PRKN: variants seen among roughly 807,000 people sequenced by gnomAD.
PRKN encodes parkin RBR E3 ubiquitin protein ligase.
Under a neutral mutation model 59.5 loss-of-function variants are expected in PRKN, and 56 were observed. The observed-to-expected ratio is 0.94, with a 90% CI of 0.76 to 1.18. The LOEUF (loss-of-function observed/expected upper bound fraction) is 1.18. PRKN is among the 50% of genes most tolerant of loss of function. The pLI, the probability that PRKN is intolerant of heterozygous loss-of-function variation, is 0.00. For missense variants in PRKN, 657 were observed against 596.4 expected (o/e 1.10, Z -1.06); for synonymous variants, 250 against 222.1 (o/e 1.13, Z -1.12).
chr6:161,452,708 G>A (rs947348743), intron 9 of PRKN, among the ~76,000 whole-genome samples: 9 of 152,158 alleles, frequency 5.9e-5, no homozygotes, highest in Middle Eastern at 3.4e-3. Context: ...TTGTAGTTGC[G>A]TTATAATCAA....
intron 1 of PRKN, among the ~76,000 whole-genome samples, chr6:162,580,341 G>C (rs1039791147): frequency 6.6e-6 from 1 of 152,098 alleles, no homozygotes; most frequent in African/African-American, 2.4e-5. Flanking sequence ...GGAAGGCTGA[G>C]GTAGGAGGAT....
chr6:162,291,261 T>A (rs1370664139), intron 2 of PRKN, among the ~76,000 whole-genome samples: 1 of 152,124 alleles, frequency 6.6e-6, no homozygotes, highest in South Asian at 2.1e-4. Context: ...TTGCTCTTCC[T>A]GGGCCAGTTC....
At chr6:162,119,543 T>G (rs1290774943) in intron 4 of PRKN, among the ~76,000 whole-genome samples, 1 of 152,136 alleles carries the variant, frequency 6.6e-6, no homozygotes, top group Non-Finnish European at 1.5e-5. Flanking sequence ...ACTTCCTTAT[T>G]CCTGTCTGCT....
intron 1 of PRKN, among the ~76,000 whole-genome samples, chr6:162,625,522 T>A (rs1021688686): frequency 6.6e-6 from 1 of 152,178 alleles, no homozygotes; most frequent in Non-Finnish European, 1.5e-5. Context: ...CAGGGTTTAC[T>A]CAATGTCACT....
intron 1 of PRKN, among the ~76,000 whole-genome samples, chr6:162,719,800 A>G (rs1778862178): frequency 1.3e-5 from 2 of 152,142 alleles, no homozygotes; most frequent in African/African-American, 2.4e-5. Flanking sequence ...TTTGAGCTGA[A>G]GAATGAAATA....
At chr6:161,748,337 C>T (rs1321142368) in intron 7 of PRKN, among the ~76,000 whole-genome samples, 9 of 151,148 alleles carry the variant, frequency 6.0e-5, no homozygotes, top group Admixed American at 2.6e-4. Flanking sequence ...TTGCTGATCC[C>T]GAATCACTCT....
In PRKN at chr6:161,887,531, G is replaced by A. The variant is rs575835857; in HGVS notation, c.734+85771C>T. On this transcript the variant is annotated intron_variant, in intron 6 of 11. Transcript: ENST00000366898. ...AAAGAGTTACTCATTTTTCCTTTCAGCAAGTTAGTGAAACTTTTCAAGGTC... is the reference window on the plus strand; with the variant it reads ...AAAGAGTTACTCATTTTTCCTTTCAACAAGTTAGTGAAACTTTTCAAGGTC... 2.0e-5 allele frequency among the ~76,000 whole-genome samples: 3 copies of A among 152,218 alleles called. No homozygotes were observed. The South Asian group carries it at 6.2e-4, about 32-fold the overall frequency.
intron 2 of PRKN, among the ~76,000 whole-genome samples, chr6:162,296,604 G>T (rs1781689888): frequency 6.6e-6 from 1 of 152,042 alleles, no homozygotes; most frequent in African/African-American, 2.4e-5. Context: ...ATTATTATGT[G>T]CCAATCACAT....
In PRKN at chr6:161,359,175, C is replaced by T. The variant is rs1784882615; in HGVS notation, c.1285+913G>A. On this transcript the variant is annotated intron_variant, in intron 11 of 11. Transcript: ENST00000366898. The surrounding 1 kb of genome is among the most constrained non-coding windows in gnomAD (Gnocchi z 5.4). Reference sequence around the variant, plus strand: ...CATGCAATGGAGTAATAAGGACACGCTGGGTAAATTATTTATTTTCTCTGC... The same window carrying T: ...CATGCAATGGAGTAATAAGGACACGTTGGGTAAATTATTTATTTTCTCTGC... Among the ~76,000 whole-genome samples the T allele has an allele frequency of 1.3e-5, 2 of 152,152 alleles. No homozygotes were observed. Among genetic ancestry groups the T allele is most frequent in the Admixed American group, 1.3e-4 (2 of 15,274 alleles).
chr6:161,404,292 A>G (rs1787171555), intron 9 of PRKN, among the ~76,000 whole-genome samples: 1 of 152,162 alleles, frequency 6.6e-6, no homozygotes, highest in South Asian at 2.1e-4. Context: ...TATTCTAGGA[A>G]GAAAAGAAAG....
At chr6:162,027,606 C>G (rs554341981) in intron 5 of PRKN, among the ~76,000 whole-genome samples, 38 of 152,320 alleles carry the variant, frequency 2.5e-4, no homozygotes, top group African/African-American at 8.7e-4. Context: ...TCCTTCCTGA[C>G]TATGCCAGGT....
chr6:161,646,441 G>A (rs1282205166), intron 7 of PRKN, among the ~76,000 whole-genome samples: 1 of 120,090 alleles, frequency 8.3e-6, no homozygotes, highest in Admixed American at 8.0e-5. Flanking sequence ...GTGTGCGTGC[G>A]TGGTGGAGGA....
At chr6:162,569,854 C>T (rs1413982543) in intron 1 of PRKN, 4 of 374,974 alleles carry the variant, frequency 1.1e-5, no homozygotes. Context: ...AGCCCTCAGC[C>T]CACCCACGGG....
rs1328482864 is a variant in PRKN at position 162,056,017 on chromosome 6, G to A, written c.535-1843C>T. ...GGCATGCACGCACACAGGCATGCAC[G>A]CACACAGCATGCCACACACCACACA... On this transcript the variant is annotated intron_variant, in intron 4 of 11. Transcript: ENST00000366898. This position sits in a 1 kb window ranked among gnomAD's most constrained non-coding sequence, Gnocchi z 4.9. 2.8e-5 allele frequency among the ~76,000 whole-genome samples: 3 copies of A among 108,816 alleles called. No homozygotes were observed. The highest frequency in any genetic ancestry group is 2.9e-5 in the African/African-American group (1 of 34,244). The allele number at this position is 108,816 out of a possible 152,430, so 71.4% of individuals were successfully genotyped here.
At chr6:162,278,968 T>A (rs569359777) in intron 2 of PRKN, among the ~76,000 whole-genome samples, 12 of 145,266 alleles carry the variant, frequency 8.3e-5, no homozygotes, top group East Asian at 7.7e-4. Context: ...TTTTAAAAAA[T>A]TTTTTAAAGG....
At chr6:162,441,887 T>C (rs1397110914) in intron 2 of PRKN, among the ~76,000 whole-genome samples, 1 of 152,190 alleles carries the variant, frequency 6.6e-6, no homozygotes, top group Non-Finnish European at 1.5e-5. Context: ...AACCTGAAGG[T>C]TTTGGCAATA....
intron 6 of PRKN, among the ~76,000 whole-genome samples, chr6:161,866,263 A>T (rs1794105853): frequency 6.8e-6 from 1 of 146,380 alleles, no homozygotes; most frequent in Non-Finnish European, 1.5e-5. Context: ...ATAATGAAAA[A>T]GTTAAATATT....
chr6:162,000,817 T>A (rs1197326436), intron 5 of PRKN, among the ~76,000 whole-genome samples: 2 of 149,578 alleles, frequency 1.3e-5, no homozygotes, highest in African/African-American at 2.5e-5. Context: ...AGTTTTAATT[T>A]TGTAAGGAGT....
At position 161,578,072 on chromosome 6, in the gene PRKN, C is replaced by T. The variant is rs558287993; in HGVS notation, c.872-8656G>A. On this transcript the variant is annotated intron_variant, in intron 7 of 11. Coordinates refer to ENST00000366898, the MANE Select transcript of PRKN (RefSeq NM_004562.3). The surrounding 1 kb of genome is among the most constrained non-coding windows in gnomAD (Gnocchi z 4.2). ...CCTGGAGCTTGCAGAAGAAATAAGA[C>T]GCACACCAACAAACCAAGTAGATGT... is the stretch of plus-strand genomic sequence containing the variant. Among the ~76,000 whole-genome samples, 210 of 152,038 alleles carry T rather than the reference C, an allele frequency of 1.4e-3. No homozygotes were observed. Among genetic ancestry groups the T allele is most frequent in the Non-Finnish European group, 2.7e-3 (184 of 68,006 alleles).
Sources: allele counts gnomAD v4.1 joint callset (sites outside exome capture counted in the v4.1 genomes callset), GRCh38; gene constraint gnomAD v4.1.1; non-coding constraint Gnocchi (gnomAD v3.1); transcripts MANE v1.5; gene names NCBI Gene and HGNC (gene_info 2026-07-23, HGNC 2026-07-21).